SLC4A10: variants seen among roughly 807,000 people sequenced by gnomAD.
SLC4A10 encodes solute carrier family 4 member 10.
SLC4A10 carries 42 observed loss-of-function variants against 137.7 expected under a neutral mutation model. The ratio of observed to expected loss-of-function variants is 0.30; its 90% CI spans 0.24 to 0.39. The LOEUF is 0.39. SLC4A10 is among the 10% of genes least tolerant of loss of function. The pLI is 1.00. For synonymous variants in SLC4A10, 474 were observed against 464.1 expected (o/e 1.02, Z -0.27); for missense variants, 925 against 1,355.0 (o/e 0.68, Z 4.98).
chr2:161,778,276 T>A (rs1028717701), intron 2 of SLC4A10, among the ~76,000 whole-genome samples: 1 of 151,948 alleles, frequency 6.6e-6, no homozygotes, highest in Non-Finnish European at 1.5e-5. Context: ...TGCTACCTTC[T>A]AAGAGCTATC....
chr2:161,692,538 A>G (rs1345193620), intron 1 of SLC4A10, among the ~76,000 whole-genome samples: 1 of 152,086 alleles, frequency 6.6e-6, no homozygotes, highest in Non-Finnish European at 1.5e-5. Context: ...TTTTAAAGAG[A>G]CCAAATGACT....
At chr2:161,681,614 C>T (rs1252712630) in intron 1 of SLC4A10, among the ~76,000 whole-genome samples, 1 of 152,120 alleles carries the variant, frequency 6.6e-6, no homozygotes, top group African/African-American at 2.4e-5. Flanking sequence ...GATTCCTGCC[C>T]TAAGGAGTTA....
chr2:161,900,682 AG>A (rs1682898073), intron 11 of SLC4A10, among the ~76,000 whole-genome samples: 1 of 152,104 alleles, frequency 6.6e-6, no homozygotes, highest in Non-Finnish European at 1.5e-5. Flanking sequence ...TAATTCTCTT[AG>A]TCACACTATA....
At chr2:161,786,051 T>C (rs767036189) in intron 2 of SLC4A10, among the ~76,000 whole-genome samples, 15 of 151,954 alleles carry the variant, frequency 9.9e-5, no homozygotes, top group Non-Finnish European at 1.9e-4. Context: ...TATATCTGTC[T>C]GTCTCTTTTC....
At chr2:161,975,823 C>T (rs749085201) in intron 24 of SLC4A10, among the ~76,000 whole-genome samples, 1 of 152,196 alleles carries the variant, frequency 6.6e-6, no homozygotes. Context: ...CCAGGCAGCA[C>T]CATGCCCATT....
chr2:161,971,466 G>A (rs1202648496), intron 23 of SLC4A10, among the ~76,000 whole-genome samples: 1 of 152,162 alleles, frequency 6.6e-6, no homozygotes, highest in Non-Finnish European at 1.5e-5. Context: ...TCCCCATGTT[G>A]TAGAACCCAG....
intron 1 of SLC4A10, among the ~76,000 whole-genome samples, chr2:161,743,561 C>A (rs1335370190): frequency 3.9e-5 from 6 of 151,950 alleles, no homozygotes; most frequent in Non-Finnish European, 7.4e-5. Context: ...GTGATTCCTC[C>A]AGTTTTTTTT....
At chr2:161,719,349 A>T (rs1388591835) in intron 1 of SLC4A10, among the ~76,000 whole-genome samples, 1 of 152,086 alleles carries the variant, frequency 6.6e-6, no homozygotes, top group East Asian at 1.9e-4. Context: ...TTGTGAATAG[A>T]GCCACAATAA....
intron 3 of SLC4A10, among the ~76,000 whole-genome samples, chr2:161,813,998 C>A (rs1298695557): frequency 6.6e-6 from 1 of 151,968 alleles, no homozygotes; most frequent in Non-Finnish European, 1.5e-5. Flanking sequence ...AGGTTGATAT[C>A]CACTGTTCTG....
At chr2:161,808,385 C>T (rs927018887) in intron 3 of SLC4A10, among the ~76,000 whole-genome samples, 1 of 152,008 alleles carries the variant, frequency 6.6e-6, no homozygotes, top group East Asian at 1.9e-4. Flanking sequence ...TTGCTCATAT[C>T]CCTTTACTTT....
chr2:161,957,421 T>G (rs1330750791), intron 20 of SLC4A10, among the ~76,000 whole-genome samples, 181 bp downstream of exon 20: 1 of 152,172 alleles, frequency 6.6e-6, no homozygotes, highest in Non-Finnish European at 1.5e-5. Flanking sequence ...ACGTCCTATA[T>G]TTTAAAACCC....
At chr2:161,687,901 TG>T (rs1476988359) in intron 1 of SLC4A10, among the ~76,000 whole-genome samples, 2 of 152,228 alleles carry the variant, frequency 1.3e-5, no homozygotes, top group African/African-American at 4.8e-5. Flanking sequence ...CATGTGGAAC[TG>T]TGAGTCAATT....
intron 2 of SLC4A10, among the ~76,000 whole-genome samples, chr2:161,777,154 T>A (rs1209501587): frequency 4.0e-5 from 6 of 151,302 alleles, no homozygotes; most frequent in African/African-American, 7.3e-5. Flanking sequence ...TTTAATTTTT[T>A]AAAAAATTTA....
At chr2:161,782,277 A>G (rs1450036838) in intron 2 of SLC4A10, among the ~76,000 whole-genome samples, 1 of 152,062 alleles carries the variant, frequency 6.6e-6, no homozygotes, top group Non-Finnish European at 1.5e-5. Flanking sequence ...GGCAAACCCT[A>G]GACACCTGGG....
At chr2:161,658,676 C>T (rs1032400665) in intron 1 of SLC4A10, among the ~76,000 whole-genome samples, 2 of 146,032 alleles carry the variant, frequency 1.4e-5, no homozygotes, top group African/African-American at 5.1e-5. Context: ...TCACTGCAAC[C>T]TCTGCCCCCT....
rs561748684 is a variant in SLC4A10, at chr2:161,881,182, C to T, written c.1107-1175C>T. 3.3e-5 allele frequency among the ~76,000 whole-genome samples: 5 copies of T among 151,994 alleles called. No homozygotes were observed. The South Asian group carries it at 6.2e-4, about 19-fold the overall frequency. On this transcript the variant is annotated intron_variant, in intron 9 of 26. Coordinates refer to ENST00000446997, the MANE Select transcript of SLC4A10 (RefSeq NM_001178015.2). The stretch of plus-strand genomic sequence containing the variant: ...GAAGACAAAAGGCATCCTATTAATA[C>T]GATGGCAACACATAGTAGAAAGGTC...
At chr2:161,864,409 A>G (rs1408934908) in intron 6 of SLC4A10, among the ~76,000 whole-genome samples, 2 of 152,162 alleles carry the variant, frequency 1.3e-5, no homozygotes, top group Non-Finnish European at 2.9e-5. Flanking sequence ...TTTGCTTCAT[A>G]TTAATCAGTT....
intron 19 of SLC4A10, among the ~76,000 whole-genome samples, chr2:161,956,258 A>T (rs975106728): frequency 3.3e-5 from 5 of 152,152 alleles, no homozygotes; most frequent in African/African-American, 2.4e-5. Context: ...CGTTTTTCAG[A>T]TAGGGAAAAA....
intron 3 of SLC4A10, among the ~76,000 whole-genome samples, chr2:161,810,326 C>G (rs1161289345): frequency 6.6e-6 from 1 of 152,052 alleles, no homozygotes; most frequent in African/African-American, 2.4e-5. Flanking sequence ...GATAGTTTGA[C>G]TTCCTCTCTT....
Sources: gnomAD v4.1 joint callset for allele counts (sites outside exome capture counted in the v4.1 genomes callset) on GRCh38, gnomAD v4.1.1 for gene constraint, MANE v1.5 for transcripts, NCBI Gene and HGNC (gene_info 2026-07-23, HGNC 2026-07-21) for gene names.